The following DLGAP5 variants were observed in gnomAD, a reference collection of about 807,000 sequenced individuals.
DLGAP5 encodes the protein DLG associated protein 5.
Under a neutral mutation model 99.6 loss-of-function variants are expected in DLGAP5, and 90 were observed. The ratio of observed to expected loss-of-function variants is 0.90; its 90% confidence interval spans 0.76 to 1.08. The LOEUF is 1.08. Ranked by LOEUF, DLGAP5 falls within the 50% of genes least tolerant of loss-of-function variation. The probability of loss-of-function intolerance (pLI) is 0.00; values close to 1 mark genes in which losing one functional copy is unlikely to be tolerated. For missense variants in DLGAP5, 1,036 were observed against 983.5 expected, an observed-to-expected ratio of 1.05 and a Z score of -0.71; for synonymous variants, 311 against 321.3, an observed-to-expected ratio of 0.97 and a Z score of 0.34.
intron 12 of DLGAP5, among the ~76,000 whole-genome samples, chr14:55,163,334 T>C (rs1483683281): frequency 6.6e-6 from 1 of 152,218 alleles, no homozygotes; most frequent in Non-Finnish European, 1.5e-5. Flanking sequence ...TTGACTAAAA[T>C]GCTAAAATGG....
At chr14:55,184,294 A>G (rs960168838) in intron 2 of DLGAP5, among the ~76,000 whole-genome samples, 1 of 152,220 alleles carries the variant, frequency 6.6e-6, no homozygotes, top group Non-Finnish European at 1.5e-5. Flanking sequence ...CTCTCCGCAC[A>G]AAGGGAAATG....
chr14:55,190,470 T>C (rs1341129930), intron 1 of DLGAP5, among the ~76,000 whole-genome samples: 3 of 152,120 alleles, frequency 2.0e-5, no homozygotes, highest in African/African-American at 7.2e-5. Context: ...GGGTCACCTG[T>C]GTAGCTGGTA....
chr14:55,165,034 T>C (rs1231777004), intron 12 of DLGAP5, among the ~76,000 whole-genome samples: 1 of 151,864 alleles, frequency 6.6e-6, no homozygotes, highest in Non-Finnish European at 1.5e-5. Flanking sequence ...TCAAAGAATA[T>C]TTGCAAATAA....
intron 13 of DLGAP5, among the ~76,000 whole-genome samples, chr14:55,160,577 A>T (rs1183636722): frequency 4.2e-4 from 64 of 151,802 alleles, no homozygotes. Flanking sequence ...CCTCCTGAGT[A>T]GCTGGGATTA....
chr14:55,174,900 A>C (rs1469284519), intron 10 of DLGAP5, among the ~76,000 whole-genome samples: 1 of 152,196 alleles, frequency 6.6e-6, no homozygotes, highest in Non-Finnish European at 1.5e-5. Flanking sequence ...CATGTTAGAC[A>C]GGATGGTCTC....
chr14:55,166,349 G>C (rs1273616200), intron 12 of DLGAP5, among the ~76,000 whole-genome samples: 1 of 152,212 alleles, frequency 6.6e-6, no homozygotes, highest in East Asian at 1.9e-4. Flanking sequence ...AATCTACAGA[G>C]ACAGTAAGTA....
At chr14:55,149,848 G>A (rs1040095060) in intron 18 of DLGAP5, among the ~76,000 whole-genome samples, 10 of 151,004 alleles carry the variant, frequency 6.6e-5, no homozygotes, top group Admixed American at 2.0e-4. Flanking sequence ...TCAGAAGTTC[G>A]AGACCAGCCT....
In DLGAP5 at chr14:55,176,000, T is replaced by C. The variant is rs778979503; in HGVS notation, c.1068A>G (p.Thr356=). Residue 356 remains threonine (T), a synonymous_variant, in exon 9 of 19, where the codon ACA becomes ACG. Coordinates refer to ENST00000247191, the MANE Select transcript of DLGAP5 (RefSeq NM_014750.5). ...LKTEVDESQA[T]KEILAQKCKT... is the part of the protein sequence containing the mutation. ...TACATTTTTGTGCCAAAATTTCTTTTGTTGCTTGAGACTCATCACTAAAAA... is the reference window on the plus strand; with the variant it reads ...TACATTTTTGTGCCAAAATTTCTTTCGTTGCTTGAGACTCATCACTAAAAA... The C allele has an allele frequency of 1.9e-6, 3 of 1,608,074 alleles. No homozygotes were observed. The highest frequency in any genetic ancestry group is 2.5e-6 in the Non-Finnish European group (3 of 1,176,500).
At chr14:55,187,622 CT>C (rs1444553063) in intron 2 of DLGAP5, among the ~76,000 whole-genome samples, 2 of 71,738 alleles carry the variant, frequency 2.8e-5, no homozygotes, top group Admixed American at 1.8e-4. Flanking sequence ...CGACCTGATC[CT>C]TTTCTTTTTT....
intron 12 of DLGAP5, among the ~76,000 whole-genome samples, chr14:55,164,857 G>T (rs1271447391): frequency 6.6e-6 from 1 of 150,906 alleles, no homozygotes; most frequent in Admixed American, 6.6e-5. Context: ...GGAAGGCAGA[G>T]GCTGCAGTGA....
intron 7 of DLGAP5, among the ~76,000 whole-genome samples, chr14:55,179,169 T>C (rs1212645962): frequency 6.6e-6 from 1 of 152,248 alleles, no homozygotes; most frequent in Non-Finnish European, 1.5e-5. Context: ...GCAGAAATTT[T>C]AGTTTATTTA....
chr14:55,185,766 G>A (rs907331713), intron 2 of DLGAP5, among the ~76,000 whole-genome samples: 1 of 152,204 alleles, frequency 6.6e-6, no homozygotes, highest in African/African-American at 2.4e-5. Flanking sequence ...TTACAGGTGT[G>A]AGCCACCAAG....
At chr14:55,183,421 C>T in intron 3 of DLGAP5, 139 bp downstream of exon 3, 4 of 627,186 alleles carry the variant, frequency 6.4e-6, no homozygotes, top group Non-Finnish European at 9.7e-6. Flanking sequence ...TTTCATTCTT[C>T]TGAGCTACTA....
chr14:55,189,307 A>C (rs1883532711), intron 1 of DLGAP5, 127 bp from the exon 2 acceptor site: 1 of 725,312 alleles, frequency 1.4e-6, no homozygotes, highest in African/African-American at 1.8e-5. Context: ...GCAATGAAAT[A>C]AATATGTAAC....
In DLGAP5 at chr14:55,177,172, C is replaced by T; in HGVS notation, c.939G>A (p.Met313Ile). 6.2e-7 allele frequency: 1 copy of T among 1,612,724 alleles called. No homozygotes were observed. Among genetic ancestry groups the T allele is most frequent in the Non-Finnish European group, 8.5e-7 (1 of 1,179,590 alleles). Residue 313 changes from methionine to isoleucine, a missense_variant, in exon 8 of 19, where the codon ATG (methionine) becomes ATA (isoleucine). Transcript: ENST00000247191. ...GKNSFAPKDFMFQPLDGLKTY... is the reference protein window; with the variant it reads ...GKNSFAPKDFIFQPLDGLKTY... ...TCTTCAGACCATCCAGTGGCTGAAA[C>T]ATAAAATCCTTAGGTGCAAAGGAAT...
chr14:55,187,973 C>T (rs1251463240), intron 2 of DLGAP5, among the ~76,000 whole-genome samples: 1 of 152,148 alleles, frequency 6.6e-6, no homozygotes, highest in Non-Finnish European at 1.5e-5. Flanking sequence ...CACACTCCTA[C>T]CTCTAAGCCT....
chr14:55,189,388 C>A (rs1432755816), intron 1 of DLGAP5, among the ~76,000 whole-genome samples: 1 of 151,806 alleles, frequency 6.6e-6, no homozygotes, highest in Non-Finnish European at 1.5e-5. Flanking sequence ...TAGGAACTTG[C>A]TTGACCAGTG....
chr14:55,164,937 A>AAG (rs371578269), intron 12 of DLGAP5, among the ~76,000 whole-genome samples: 57,076 of 141,354 alleles, frequency 0.4, 12,395 homozygotes, highest in African/African-American at 0.46. Context: ...AAAAAAAAAA[A>AAG]GAGAAATTTG....
chr14:55,177,682 C>T (rs1193007053), intron 7 of DLGAP5, among the ~76,000 whole-genome samples: 2 of 151,652 alleles, frequency 1.3e-5, no homozygotes, highest in Admixed American at 6.6e-5. Flanking sequence ...GGACTACAGA[C>T]GCCCGCCACC....
Sources: gnomAD v4.1 joint callset for allele counts (sites outside exome capture counted in the v4.1 genomes callset) on GRCh38, gnomAD v4.1.1 for gene constraint, MANE v1.5 for transcripts, NCBI Gene and HGNC (gene_info 2026-07-23, HGNC 2026-07-21) for gene names.